PLCB4: variants seen among roughly 807,000 people sequenced by gnomAD.
The protein encoded by PLCB4 is 1-phosphatidylinositol 4,5-bisphosphate phosphodiesterase beta-4.
PLCB4 carries 77 observed loss-of-function variants against 178.8 expected under a neutral mutation model. The observed-to-expected ratio is 0.43, with a 90% CI of 0.36 to 0.52. PLCB4 has a LOEUF of 0.52. Among genes scored for constraint, PLCB4 ranks in the 20% least tolerant of loss-of-function variants. The pLI is 0.00. For synonymous variants in PLCB4, 496 were observed against 490.8 expected (o/e 1.01, Z -0.14); for missense variants, 1,024 against 1,453.4 (o/e 0.70, Z 4.80).
chr20:9,184,596 C>T (rs1008553695), intron 2 of PLCB4, among the ~76,000 whole-genome samples: 7 of 88,056 alleles, frequency 7.9e-5, no homozygotes, highest in African/African-American at 5.0e-4. Flanking sequence ...CAGCATTGTG[C>T]CTCAAAAAAA....
intron 7 of PLCB4, among the ~76,000 whole-genome samples, chr20:9,357,887 A>C (rs2034980732): frequency 1.3e-5 from 2 of 152,216 alleles, no homozygotes; most frequent in African/African-American, 4.8e-5. Flanking sequence ...GGGCAGTGGA[A>C]GGAGAACTCC....
At chr20:9,249,112 T>G (rs1601428394) in intron 3 of PLCB4, among the ~76,000 whole-genome samples, 3 of 152,224 alleles carry the variant, frequency 2.0e-5, no homozygotes, top group Admixed American at 1.3e-4. Context: ...TTTAAGGACT[T>G]TTGTACCTTT....
At chr20:9,363,797 A>G (rs1322123588) in intron 8 of PLCB4, among the ~76,000 whole-genome samples, 1 of 152,224 alleles carries the variant, frequency 6.6e-6, no homozygotes. Context: ...AATTGCAGGG[A>G]TAAGCCTGTA....
intron 2 of PLCB4, among the ~76,000 whole-genome samples, chr20:9,128,707 G>T (rs1462689226): frequency 6.6e-6 from 1 of 152,160 alleles, no homozygotes; most frequent in Non-Finnish European, 1.5e-5. Context: ...CATTTTTTAA[G>T]TGAACAGTTA....
intron 19 of PLCB4, among the ~76,000 whole-genome samples, chr20:9,400,468 A>G (rs755516534): frequency 1.3e-5 from 2 of 152,118 alleles, no homozygotes; most frequent in Non-Finnish European, 2.9e-5. Flanking sequence ...ACTTTTAAAC[A>G]TGCTTTAAAA....
intron 2 of PLCB4, among the ~76,000 whole-genome samples, chr20:9,211,702 T>C (rs1485576303): frequency 2.0e-5 from 3 of 152,232 alleles, no homozygotes; most frequent in Non-Finnish European, 4.4e-5. Flanking sequence ...TATAAGTAGC[T>C]GTAAATAATT....
At chr20:9,469,121 C>T (rs2044004941) in intron 36 of PLCB4, among the ~76,000 whole-genome samples, 1 of 152,078 alleles carries the variant, frequency 6.6e-6, no homozygotes, top group South Asian at 2.1e-4. Flanking sequence ...GCTGGGATTA[C>T]AGGCATGCAC....
intron 14 of PLCB4, among the ~76,000 whole-genome samples, chr20:9,387,156 C>G (rs2037744505): frequency 6.6e-6 from 1 of 152,068 alleles, no homozygotes; most frequent in South Asian, 2.1e-4. Context: ...CTAGGACACA[C>G]CACGCCCGGC....
chr20:9,449,878 G>A (rs1045243842), intron 32 of PLCB4, among the ~76,000 whole-genome samples: 4 of 152,148 alleles, frequency 2.6e-5, no homozygotes, highest in African/African-American at 7.2e-5. Flanking sequence ...GTGGAAAGGG[G>A]CAGAGACACA....
intron 19 of PLCB4, among the ~76,000 whole-genome samples, chr20:9,399,444 T>G (rs2038863991): frequency 6.6e-6 from 1 of 152,216 alleles, no homozygotes; most frequent in Non-Finnish European, 1.5e-5. Flanking sequence ...AGTCTCTAAT[T>G]TAAATACATC....
rs73897379 is a variant in PLCB4 at position 9,330,141 on chromosome 20, G to C, written c.85-6985G>C. Among the ~76,000 whole-genome samples the C allele has an allele frequency of 7.3e-3, 1,105 of 152,302 alleles. 10 individuals carry two copies. Among genetic ancestry groups the C allele is most frequent in the African/African-American group, 0.025 (1,056 of 41,560 alleles). On this transcript the variant is annotated intron_variant, in intron 4 of 39. Coordinates refer to ENST00000378473, the MANE Select transcript of PLCB4 (RefSeq NM_001377142.1). ...AGCCATAAAGCATCTCTTGGGCTCTGAGCTTTCAGGATCTGATAGAAAGCT... is the reference window on the plus strand; with the variant it reads ...AGCCATAAAGCATCTCTTGGGCTCTCAGCTTTCAGGATCTGATAGAAAGCT...
chr20:9,258,714 C>CAA (rs969525907), intron 3 of PLCB4, among the ~76,000 whole-genome samples: 2,551 of 61,954 alleles, frequency 0.041, 148 homozygotes, highest in African/African-American at 0.11. Flanking sequence ...GACTTCCTCT[C>CAA]AAAAAAAAAA....
At chr20:9,171,456 G>A (rs187576869) in intron 2 of PLCB4, among the ~76,000 whole-genome samples, 279 of 152,280 alleles carry the variant, frequency 1.8e-3, no homozygotes, top group Non-Finnish European at 3.7e-3. Context: ...ACCATATTTT[G>A]TTAGGGCTAA....
rs571002610 is a variant in PLCB4 at position 9,466,302 on chromosome 20, T to C, written c.3249-2269T>C. 3.3e-4 allele frequency among the ~76,000 whole-genome samples: 51 copies of C among 152,330 alleles called. No homozygotes were observed. In the East Asian group the frequency reaches 9.3e-3, roughly 28 times the overall value. On this transcript the variant is annotated intron_variant, in intron 35 of 39. Coordinates refer to ENST00000378473, the MANE Select transcript of PLCB4 (RefSeq NM_001377142.1). ...AATTAATTCAAGATGGATTAAAGAC[T>C]TAAATGTCAGACCTAAAACCATAAA... is the stretch of plus-strand genomic sequence containing the variant.
chr20:9,277,432 C>T (rs578148075), intron 3 of PLCB4, among the ~76,000 whole-genome samples: 7 of 152,084 alleles, frequency 4.6e-5, no homozygotes, highest in South Asian at 4.2e-4. Context: ...GTTCTTAGAG[C>T]CTCAGCTCAT....
At chr20:9,077,945 G>A (rs2089948755) in intron 1 of PLCB4, among the ~76,000 whole-genome samples, 1 of 152,106 alleles carries the variant, frequency 6.6e-6, no homozygotes, top group Non-Finnish European at 1.5e-5. Flanking sequence ...TTATTTAATG[G>A]ATACTTGAAT....
At chr20:9,449,293 T>A (rs1027555970) in intron 32 of PLCB4, among the ~76,000 whole-genome samples, 1 of 152,084 alleles carries the variant, frequency 6.6e-6, no homozygotes, top group African/African-American at 2.4e-5. Flanking sequence ...GAGCCAAAAA[T>A]GTAAAACCCA....
At chr20:9,175,547 T>G (rs2093140506) in intron 2 of PLCB4, among the ~76,000 whole-genome samples, 1 of 152,204 alleles carries the variant, frequency 6.6e-6, no homozygotes, top group Non-Finnish European at 1.5e-5. Context: ...AAGCCCAAGT[T>G]GTGCCAAATT....
chr20:9,404,646 T>C (rs1402234315), intron 20 of PLCB4, among the ~76,000 whole-genome samples: 1 of 149,518 alleles, frequency 6.7e-6, no homozygotes, highest in African/African-American at 2.5e-5. Flanking sequence ...CCTTCATCAA[T>C]ATTGTCTTAG....
Sources: allele counts gnomAD v4.1 joint callset (sites outside exome capture counted in the v4.1 genomes callset), GRCh38; gene constraint gnomAD v4.1.1; transcripts MANE v1.5; gene names NCBI Gene and HGNC (gene_info 2026-07-23, HGNC 2026-07-21).